Variants in TYW1B observed in about 807,000 individuals in gnomAD.
TYW1B encodes the protein S-adenosyl-L-methionine-dependent tRNA 4-demethylwyosine synthase TYW1B.
A neutral mutation model predicts 86.9 loss-of-function variants in TYW1B; 73 were observed. That is an observed-to-expected ratio of 0.84 (90% CI 0.70 to 1.02). The LOEUF is 1.02. Among genes scored for constraint, TYW1B ranks in the 50% least tolerant of loss-of-function variants. TYW1B has a pLI of 0.00. For synonymous variants in TYW1B, 248 were observed against 292.8 expected (o/e 0.85, Z 1.56); for missense variants, 637 against 827.4 (o/e 0.77, Z 2.82).
In TYW1B at chr7:72,828,057, G is replaced by T. The variant is rs781844775; in HGVS notation, c.4+15C>A. The T allele has an allele frequency of 6.2e-7, 1 of 1,613,708 alleles. No individual in the cohort carries two copies. Among genetic ancestry groups the T allele is most frequent in the African/African-American group, 1.3e-5 (1 of 74,930 alleles). On this transcript the variant is annotated intron_variant, in intron 1 of 13. Coordinates refer to ENST00000620995, the MANE Select transcript of TYW1B (RefSeq NM_001145440.3). ...CCCTGCCGCCCCAGGGTCCTTGCCC[G>T]CCGAGTGCCCTTACCCATCCTCCTC...
intron 7 of TYW1B, among the ~76,000 whole-genome samples, chr7:72,758,706 C>T (rs1554466692): frequency 6.6e-6 from 1 of 152,086 alleles, no homozygotes; most frequent in Non-Finnish European, 1.5e-5. Context: ...TTGGATAAGG[C>T]CACCTTAATA....
intron 13 of TYW1B, among the ~76,000 whole-genome samples, chr7:72,598,786 T>A: frequency 6.6e-6 from 1 of 152,114 alleles, no homozygotes; most frequent in East Asian, 1.9e-4. Flanking sequence ...CTTGAGCTAA[T>A]CTGGGGCTAC....
At chr7:72,648,984 T>C (rs1812997266) in intron 11 of TYW1B, among the ~76,000 whole-genome samples, 1 of 152,196 alleles carries the variant, frequency 6.6e-6, no homozygotes, top group Non-Finnish European at 1.5e-5. Context: ...GTATTTACAC[T>C]TTGGGAAAAT....
chr7:72,617,636 G>C (rs1812109671), intron 12 of TYW1B, among the ~76,000 whole-genome samples: 1 of 152,160 alleles, frequency 6.6e-6, no homozygotes, highest in South Asian at 2.1e-4. Context: ...CAAAGTGCTG[G>C]GATCACAGGT....
At chr7:72,629,134 A>G (rs1486056492) in intron 11 of TYW1B, 137 bp from the exon 12 acceptor site, 11 of 622,958 alleles carry the variant, frequency 1.8e-5, no homozygotes, top group Middle Eastern at 6.6e-4. Context: ...AACTGAAGCT[A>G]TATTTTGAGG....
intron 11 of TYW1B, among the ~76,000 whole-genome samples, chr7:72,655,252 C>T (rs1813171010): frequency 6.6e-6 from 1 of 152,190 alleles, no homozygotes; most frequent in Non-Finnish European, 1.5e-5. Flanking sequence ...ACATCCCCAC[C>T]ACTGACACCT....
At chr7:72,819,230 G>T (rs1554479991) in intron 2 of TYW1B, among the ~76,000 whole-genome samples, 1 of 151,928 alleles carries the variant, frequency 6.6e-6, no homozygotes, top group African/African-American at 2.4e-5. Context: ...CCACTGTGAG[G>T]ACTCAAGCAT....
chr7:72,723,077 G>A, intron 9 of TYW1B: 4 of 987,006 alleles, frequency 4.1e-6, no homozygotes, highest in Non-Finnish European at 5.8e-6. Context: ...AAGGAGCCTG[G>A]TTTGCCCCCA....
At chr7:72,670,711 C>G (rs1375417978) in intron 11 of TYW1B, among the ~76,000 whole-genome samples, 2 of 152,102 alleles carry the variant, frequency 1.3e-5, no homozygotes, top group African/African-American at 2.4e-5. Flanking sequence ...AACACGAACT[C>G]TAAAAATGTC....
chr7:72,757,665 G>T (rs782380928), intron 7 of TYW1B, among the ~76,000 whole-genome samples: 6 of 152,178 alleles, frequency 3.9e-5, no homozygotes, highest in Non-Finnish European at 7.3e-5. Flanking sequence ...TGGAGTTACT[G>T]ATGTTAAGAA....
chr7:72,804,840 A>C (rs1175012424), intron 5 of TYW1B, among the ~76,000 whole-genome samples: 2 of 152,174 alleles, frequency 1.3e-5, no homozygotes, highest in African/African-American at 2.4e-5. Flanking sequence ...CTCAAAAAAA[A>C]CAGGCAATAA....
chr7:72,617,635 G>A (rs1208083244), intron 12 of TYW1B, among the ~76,000 whole-genome samples: 6 of 152,204 alleles, frequency 3.9e-5, no homozygotes, highest in African/African-American at 1.4e-4. Context: ...CCAAAGTGCT[G>A]GGATCACAGG....
chr7:72,643,461 C>A (rs1481747572), intron 11 of TYW1B, among the ~76,000 whole-genome samples: 1 of 152,026 alleles, frequency 6.6e-6, no homozygotes, highest in African/African-American at 2.4e-5. Context: ...GTGTTGCATG[C>A]CTGTAGTCCC....
intron 11 of TYW1B, among the ~76,000 whole-genome samples, chr7:72,642,043 CAG>C (rs1349862418): frequency 6.6e-6 from 1 of 152,154 alleles, no homozygotes; most frequent in African/African-American, 2.4e-5. Flanking sequence ...ATCAAAGGAA[CAG>C]AACTGGACAG....
intron 11 of TYW1B, among the ~76,000 whole-genome samples, chr7:72,691,495 T>A (rs1390469156): frequency 1.3e-5 from 2 of 152,226 alleles, no homozygotes; most frequent in Non-Finnish European, 2.9e-5. Context: ...ACAATTGAAT[T>A]CATCACCCAA....
At chr7:72,746,641 G>A (rs1374774090) in intron 7 of TYW1B, among the ~76,000 whole-genome samples, 2 of 152,070 alleles carry the variant, frequency 1.3e-5, no homozygotes, top group Admixed American at 1.3e-4. Context: ...AGTGGGACCC[G>A]AATCTAACAG....
At chr7:72,578,280 A>T (rs544811139) in intron 13 of TYW1B, among the ~76,000 whole-genome samples, 124 of 151,552 alleles carry the variant, frequency 8.2e-4, no homozygotes, top group African/African-American at 2.9e-3. Flanking sequence ...CGCCTGGCTA[A>T]TTTTTTTTGT....
At chr7:72,604,004 G>C (rs1811738475) in intron 13 of TYW1B, among the ~76,000 whole-genome samples, 1 of 152,086 alleles carries the variant, frequency 6.6e-6, no homozygotes, top group African/African-American at 2.4e-5. Flanking sequence ...GTGGACTTCA[G>C]TTAACAATCA....
At chr7:72,612,660 C>T (rs188941894) in intron 13 of TYW1B, among the ~76,000 whole-genome samples, 217 of 152,230 alleles carry the variant, frequency 1.4e-3, no homozygotes, top group African/African-American at 5.2e-3. Context: ...AAGGACACGT[C>T]GCCAACACAG....
Sources: gnomAD v4.1 joint callset for allele counts (sites outside exome capture counted in the v4.1 genomes callset) on GRCh38, gnomAD v4.1.1 for gene constraint, MANE v1.5 for transcripts, NCBI Gene and HGNC (gene_info 2026-07-23, HGNC 2026-07-21) for gene names.